TSPEAR: variants seen among roughly 807,000 people sequenced by gnomAD.
The protein encoded by TSPEAR is thrombospondin-type laminin G domain and EAR repeat-containing protein.
A neutral mutation model predicts 71.6 loss-of-function variants in TSPEAR; 69 were observed. The observed-to-expected ratio is 0.96, with a 90% CI of 0.79 to 1.18. The LOEUF is 1.18. Among genes scored for constraint, TSPEAR ranks in the 50% most tolerant of loss-of-function variants. TSPEAR has a pLI of 0.00. For synonymous variants in TSPEAR, 402 were observed against 387.2 expected (o/e 1.04, Z -0.45); for missense variants, 971 against 894.9 (o/e 1.09, Z -1.09).
intron 9 of TSPEAR, 30 bp downstream of exon 9, chr21:44,521,853 G>T (rs1322725396): frequency 1.6e-5 from 26 of 1,598,400 alleles, no homozygotes; most frequent in Non-Finnish European, 2.2e-5. Context: ...GCCAGCAATG[G>T]AGAGCCGGGG....
chr21:44,538,346 C>G (rs748531993), intron 2 of TSPEAR, among the ~76,000 whole-genome samples: 50 of 151,772 alleles, frequency 3.3e-4, no homozygotes, highest in African/African-American at 1.1e-3. Context: ...ATGAGAGTGT[C>G]GCTGACTGTG....
At chr21:44,601,311 G>A in intron 1 of TSPEAR, 1 of 1,611,578 alleles carries the variant, frequency 6.2e-7, no homozygotes, top group Non-Finnish European at 8.5e-7. Context: ...CCTGCTGTGT[G>A]CCTGTCTGCT....
Position 44,623,573 on chromosome 21 carries a change from G to C in TSPEAR, c.83-55568C>G, listed in dbSNP as rs1476312262. 6.6e-6 allele frequency among the ~76,000 whole-genome samples: 1 copy of C among 151,966 alleles called. No homozygotes were observed. The highest frequency in any genetic ancestry group is 2.4e-5 in the African/African-American group (1 of 41,342). On this transcript the variant is annotated intron_variant, in intron 1 of 11. Coordinates refer to ENST00000323084, the MANE Select transcript of TSPEAR (RefSeq NM_144991.3). The surrounding 1 kb of genome is among the most constrained non-coding windows in gnomAD (Gnocchi z 4.5). ...TTCCATCTGTGATCATTTTCATTCTGCCTAATTATCTTTTTATTTTCTGTA... is the reference window on the plus strand; with the variant it reads ...TTCCATCTGTGATCATTTTCATTCTCCCTAATTATCTTTTTATTTTCTGTA...
At chr21:44,662,759 T>C (rs76942932) in intron 1 of TSPEAR, among the ~76,000 whole-genome samples, 2,957 of 152,286 alleles carry the variant, frequency 0.019, 49 homozygotes, top group Middle Eastern at 0.051. Context: ...ACTAATACAA[T>C]GTATGTTCTC....
At chr21:44,517,024 G>A (rs1361435149) in intron 9 of TSPEAR, among the ~76,000 whole-genome samples, 1 of 152,196 alleles carries the variant, frequency 6.6e-6, no homozygotes, top group African/African-American at 2.4e-5. Context: ...AGGCCGTCCT[G>A]GCCTGGCCCC....
rs940726102 is a variant in TSPEAR, at chr21:44,695,764, G to T, written c.82+15669C>A. Among the ~76,000 whole-genome samples, 1 of 152,146 alleles carries T rather than the reference G, an allele frequency of 6.6e-6. No individual in the cohort carries two copies. Among genetic ancestry groups the T allele is most frequent in the East Asian group, 1.9e-4 (1 of 5,196 alleles). ...GGACAGGGGTACACGCCACACACCA[G>T]GGTTTCATCTCATCACAGGGTAATG... On this transcript the variant is annotated intron_variant, in intron 1 of 11. Transcript: ENST00000323084. This position sits in a 1 kb window ranked among gnomAD's most constrained non-coding sequence, Gnocchi z 4.5.
At chr21:44,678,986 A>T (rs1301711544) in intron 1 of TSPEAR, among the ~76,000 whole-genome samples, 1 of 152,198 alleles carries the variant, frequency 6.6e-6, no homozygotes, top group African/African-American at 2.4e-5. Flanking sequence ...ATAAGAGCAC[A>T]TACTATAAAT....
chr21:44,508,830 C>G, intron 10 of TSPEAR: 1 of 1,375,700 alleles, frequency 7.3e-7, no homozygotes, highest in Non-Finnish European at 9.7e-7. Flanking sequence ...AGCGGGCACT[C>G]GAAGCCTGCA....
intron 1 of TSPEAR, among the ~76,000 whole-genome samples, chr21:44,582,925 C>T (rs1438649025): frequency 3.3e-5 from 5 of 152,070 alleles, no homozygotes; most frequent in East Asian, 1.9e-4. Context: ...CGGGTTCAAG[C>T]GATTCTCCTC....
intron 1 of TSPEAR, among the ~76,000 whole-genome samples, chr21:44,693,729 T>C (rs782651264): frequency 1.8e-4 from 27 of 152,038 alleles, no homozygotes; most frequent in Non-Finnish European, 3.1e-4. Flanking sequence ...AGTGGGAATG[T>C]AGAATAGTGC....
chr21:44,666,831 G>A, intron 1 of TSPEAR: 1 of 1,609,282 alleles, frequency 6.2e-7, no homozygotes, highest in Non-Finnish European at 8.5e-7. Context: ...TGGCTGGCAG[G>A]GGCTGGGCGC....
chr21:44,574,360 T>G lies in TSPEAR; in HGVS notation c.83-6355A>C, dbSNP rs202043408. 3 of 1,507,760 alleles carry G rather than the reference T, an allele frequency of 2.0e-6. No individual in the cohort carries two copies. The African/African-American group carries it at 5.0e-5, about 25-fold the overall frequency. 93.4% of individuals were successfully genotyped at this position (1,507,760 alleles called of 1,614,324 possible). A position where few individuals can be genotyped will look rare whatever the true frequency, so the allele number is the denominator to read the frequency against. ...CCCAGCCCCTGCCAATCAGGCTGCA[T>G]CAGCTCCTGCACGCCCTCGTGCTGC... On this transcript the variant is annotated intron_variant, in intron 1 of 11. Coordinates refer to ENST00000323084, the MANE Select transcript of TSPEAR (RefSeq NM_144991.3).
chr21:44,657,072 G>A (rs1985193433), intron 1 of TSPEAR, among the ~76,000 whole-genome samples: 1 of 152,062 alleles, frequency 6.6e-6, no homozygotes, highest in East Asian at 1.9e-4. Context: ...ACCAGTTTCT[G>A]AAGCAGCATC....
intron 1 of TSPEAR, among the ~76,000 whole-genome samples, chr21:44,700,500 GCA>G (rs1466698877): frequency 3.3e-5 from 5 of 152,170 alleles, no homozygotes; most frequent in African/African-American, 9.7e-5. Context: ...CAACCAAACA[GCA>G]CACAGTGAGA....
At chr21:44,670,479 G>A (rs1197876493) in intron 1 of TSPEAR, among the ~76,000 whole-genome samples, 2 of 152,192 alleles carry the variant, frequency 1.3e-5, no homozygotes, top group Admixed American at 6.5e-5. Context: ...AGGCACAGAA[G>A]GCAAGGGAAG....
chr21:44,626,334 T>G (rs587632214), intron 1 of TSPEAR, among the ~76,000 whole-genome samples: 55 of 152,336 alleles, frequency 3.6e-4, no homozygotes, highest in African/African-American at 1.3e-3. Context: ...GAGAGTTGCC[T>G]GTGGCTGACC....
At chr21:44,549,831 A>T (rs1291974099) in intron 2 of TSPEAR, among the ~76,000 whole-genome samples, 1 of 152,144 alleles carries the variant, frequency 6.6e-6, no homozygotes, top group Non-Finnish European at 1.5e-5. Flanking sequence ...CAGCACACGG[A>T]GCTCTGGAGG....
chr21:44,633,573 C>T (rs1983375504), intron 1 of TSPEAR, among the ~76,000 whole-genome samples: 2 of 152,142 alleles, frequency 1.3e-5, no homozygotes, highest in Non-Finnish European at 2.9e-5. Context: ...CTAATTCCCA[C>T]TGTGGTCAGA....
In TSPEAR at chr21:44,550,492, C is replaced by T. The variant is rs112903641; in HGVS notation, c.304-16569G>A. The T allele has an allele frequency of 3.5e-5, 25 of 714,538 alleles. No individual in the cohort carries two copies. The Middle Eastern group carries it at 1.6e-3, about 46-fold the overall frequency. 44.3% of individuals were successfully genotyped at this position (714,538 alleles called of 1,614,324 possible). Reference sequence around the variant, plus strand: ...GTTGTGGTCTGCAGCCAGGAAGCACCGTGAGGAGAAGCCAGGGCTCGCCCG... The same window carrying T: ...GTTGTGGTCTGCAGCCAGGAAGCACTGTGAGGAGAAGCCAGGGCTCGCCCG... On this transcript the variant is annotated intron_variant, in intron 2 of 11. Coordinates refer to ENST00000323084, the MANE Select transcript of TSPEAR (RefSeq NM_144991.3).
Sources: gnomAD v4.1 joint callset for allele counts (sites outside exome capture counted in the v4.1 genomes callset) on GRCh38, gnomAD v4.1.1 for gene constraint, Gnocchi (gnomAD v3.1) non-coding constraint, MANE v1.5 for transcripts, NCBI Gene and HGNC (gene_info 2026-07-23, HGNC 2026-07-21) for gene names.